Variants in ZNF57 observed in about 807,000 individuals in gnomAD.
The protein encoded by ZNF57 is zinc finger protein 424.
Under a neutral mutation model 13.4 loss-of-function variants are expected in ZNF57, and 11 were observed. The observed-to-expected ratio is 0.82, with a 90% CI of 0.52 to 1.36. The LOEUF is 1.36. Ranked by LOEUF, ZNF57 falls within the 40% of genes most tolerant of loss-of-function variation. ZNF57 has a pLI of 0.00. For missense variants in ZNF57, 696 were observed against 667.5 expected, an observed-to-expected ratio of 1.04 and a Z score of -0.47; for synonymous variants, 224 against 238.5, an observed-to-expected ratio of 0.94 and a Z score of 0.56.
At chr19:2,916,019 C>A in intron 2 of ZNF57, 59 bp from the exon 3 acceptor site, 1 of 1,551,882 alleles carries the variant, frequency 6.4e-7, no homozygotes, top group South Asian at 1.2e-5. Flanking sequence ...TCCTCAGTGT[C>A]TTCCTTTGCT....
At chr19:2,912,386 A>C (rs980340353) in intron 1 of ZNF57, 2 of 152,152 alleles carry the variant, frequency 1.3e-5, no homozygotes, top group Admixed American at 1.3e-4. Flanking sequence ...TCTCCTCTAC[A>C]AGACTGGGCC....
At position 2,901,031 on chromosome 19, in the gene ZNF57, A is replaced by C. The variant is rs752397456; in HGVS notation, c.-15A>C. 3.2e-6 allele frequency: 5 copies of C among 1,560,208 alleles called. No individual in the cohort carries two copies. The highest frequency in any genetic ancestry group is 4.3e-6 in the Non-Finnish European group (5 of 1,151,344). On this transcript the variant is annotated 5_prime_UTR_variant, in exon 1 of 4. Transcript: ENST00000306908. ...ACGGAGAGCTCGCCTTGGAGAGCCC[A>C]GGAGCAGGGGAGACATGGTGAGTGC...
At chr19:2,903,464 C>T (rs767156256) in intron 1 of ZNF57, among the ~76,000 whole-genome samples, 6 of 152,008 alleles carry the variant, frequency 3.9e-5, no homozygotes, top group Non-Finnish European at 7.4e-5. Flanking sequence ...CACCCTCCTC[C>T]GCCTCCCAAA....
rs369987937 is a variant in ZNF57 at position 2,910,810 on chromosome 19, G to A, written c.4-4712G>A. Among the ~76,000 whole-genome samples, 528 of 67,876 alleles carry A rather than the reference G, an allele frequency of 7.8e-3. 60 individuals carry two copies. Among genetic ancestry groups the A allele is most frequent in the African/African-American group, 0.02 (477 of 23,842 alleles). The allele number at this position is 67,876 out of a possible 152,430, so 44.5% of individuals were successfully genotyped here. ...GGGGTTTCCCTGTGTTGGCCAGGATGGTCTCCATCTCCTGACGTCGTGATC... is the reference window on the plus strand; with the variant it reads ...GGGGTTTCCCTGTGTTGGCCAGGATAGTCTCCATCTCCTGACGTCGTGATC... On this transcript the variant is annotated intron_variant, in intron 1 of 3. Coordinates refer to ENST00000306908, the MANE Select transcript of ZNF57 (RefSeq NM_173480.3).
At position 2,910,062 on chromosome 19, in the gene ZNF57, A is replaced by T. The variant is rs1319364038; in HGVS notation, c.4-5460A>T. Among the ~76,000 whole-genome samples, 4 of 48,534 alleles carry T rather than the reference A, an allele frequency of 8.2e-5. 2 individuals carry two copies. The highest frequency in any genetic ancestry group is 4.8e-4 in the Admixed American group (2 of 4,162). 31.8% of individuals were successfully genotyped at this position (48,534 alleles called of 152,430 possible). ...GTTGAATCTATAGATCAAGTTGGGA[A>T]GAACCAATGTCTTGACAATATTGGG... is the stretch of plus-strand genomic sequence containing the variant. On this transcript the variant is annotated intron_variant, in intron 1 of 3. Transcript: ENST00000306908.
chr19:2,917,015 A>T lies in ZNF57; in HGVS notation c.394A>T (p.Lys132Ter), dbSNP rs1755766843. ...HQMPDLTLHK[K>*]VSAGEKPYEC... Reference sequence around the variant, plus strand: ...AATGCCAGATCTTACCCTGCACAAGAAAGTTTCTGCTGGAGAAAAACCATA... The same window carrying T: ...AATGCCAGATCTTACCCTGCACAAGTAAGTTTCTGCTGGAGAAAAACCATA... Residue 132 changes from lysine to a stop codon, truncating the protein, a stop_gained, in exon 4 of 4, where the codon AAA becomes TAA. Coordinates refer to ENST00000306908, the MANE Select transcript of ZNF57 (RefSeq NM_173480.3). LOFTEE classifies it low-confidence loss of function (END_TRUNC). 2 of 1,614,066 alleles carry T rather than the reference A, an allele frequency of 1.2e-6. No individual in the cohort carries two copies. The highest frequency in any genetic ancestry group is 1.3e-5 in the African/African-American group (1 of 74,934).
At chr19:2,916,019 C>G in intron 2 of ZNF57, 59 bp from the exon 3 acceptor site, 1 of 1,551,886 alleles carries the variant, frequency 6.4e-7, no homozygotes, top group Non-Finnish European at 8.7e-7. Flanking sequence ...TCCTCAGTGT[C>G]TTCCTTTGCT....
At chr19:2,914,310 G>A (rs1472098088) in intron 1 of ZNF57, among the ~76,000 whole-genome samples, 3 of 151,950 alleles carry the variant, frequency 2.0e-5, no homozygotes, top group African/African-American at 7.3e-5. Context: ...TTCTTGGCTG[G>A]AGAGCACAAT....
intron 3 of ZNF57, 129 bp from the exon 4 acceptor site, chr19:2,916,795 A>G (rs2088203019): frequency 2.7e-6 from 2 of 738,648 alleles, no homozygotes; most frequent in Admixed American, 7.0e-5. Context: ...GTCTCTTCAA[A>G]CAATTCAGAA....
At chr19:2,901,710 G>A (rs1199015227) in intron 1 of ZNF57, among the ~76,000 whole-genome samples, 1 of 151,956 alleles carries the variant, frequency 6.6e-6, no homozygotes, top group African/African-American at 2.4e-5. Flanking sequence ...GTAGAGACAG[G>A]GTTTCACCAT....
At chr19:2,913,886 C>G (rs997236450) in intron 1 of ZNF57, among the ~76,000 whole-genome samples, 1 of 152,218 alleles carries the variant, frequency 6.6e-6, no homozygotes, top group African/African-American at 2.4e-5. Context: ...AGCGATCCAT[C>G]TGCCTTGATC....
At chr19:2,907,336 G>A (rs114292357) in intron 1 of ZNF57, among the ~76,000 whole-genome samples, 10,884 of 151,974 alleles carry the variant, frequency 0.072, 962 homozygotes, top group African/African-American at 0.22. Context: ...GCAGCAGCTC[G>A]CCCCACCTGG....
chr19:2,908,963 T>C (rs2088104444), intron 1 of ZNF57, among the ~76,000 whole-genome samples: 1 of 152,304 alleles, frequency 6.6e-6, no homozygotes, highest in South Asian at 2.1e-4. Flanking sequence ...AATCCTAATA[T>C]GTGTTCTTTT....
In ZNF57 at chr19:2,917,852, T is replaced by C; in HGVS notation, c.1231T>C (p.Leu411=). ...FTSSRSFRGH[L]RTHTGEKPYE... ...CTCTTCCAGATCATTCCGAGGTCATTTGAGGACGCACACTGGAGAGAAGCC... is the reference window on the plus strand; with the variant it reads ...CTCTTCCAGATCATTCCGAGGTCATCTGAGGACGCACACTGGAGAGAAGCC... The change falls in exon 4 of 4, where the codon TTG becomes CTG. Residue 411 remains leucine, a synonymous_variant. Transcript: ENST00000306908. The C allele has an allele frequency of 6.2e-7, 1 of 1,610,830 alleles. No homozygotes were observed. The highest frequency in any genetic ancestry group is 1.1e-5 in the South Asian group (1 of 90,666).
rs955285937 is a variant in ZNF57, at chr19:2,916,168, T to A, written c.221T>A (p.Phe74Tyr). 6.2e-7 allele frequency: 1 copy of A among 1,613,826 alleles called. No individual in the cohort carries two copies. The highest frequency in any genetic ancestry group is 8.5e-7 in the Non-Finnish European group (1 of 1,179,938). ...TCTAAGGAACAGACAATACCAAACT[T>A]CACAGGAAATAATTCCTGTGCCTAC... The part of the protein sequence containing the change: ...EKSKEQTIPN[F>Y]TGNNSCAYTL... Residue 74 changes from phenylalanine (F) to tyrosine (Y), a missense_variant, in exon 3 of 4, where the codon TTC becomes TAC. Around this residue, in one of 3 missense-constraint regions of ZNF57, gnomAD observed 645 missense variants for 591.5 expected, o/e 1.09. Coordinates refer to ENST00000306908, the MANE Select transcript of ZNF57 (RefSeq NM_173480.3).
At chr19:2,905,902 T>C (rs1319558641) in intron 1 of ZNF57, among the ~76,000 whole-genome samples, 1 of 152,150 alleles carries the variant, frequency 6.6e-6, no homozygotes, top group Non-Finnish European at 1.5e-5. Flanking sequence ...TGAGGCTGGT[T>C]TTGGATGTAA....
At chr19:2,911,482 G>A (rs570157491) in intron 1 of ZNF57, among the ~76,000 whole-genome samples, 1 of 151,658 alleles carries the variant, frequency 6.6e-6, no homozygotes, top group South Asian at 2.1e-4. Context: ...GCAGTGAACT[G>A]AGATTGTGTC....
At position 2,900,985 on chromosome 19, in the gene ZNF57, A is replaced by G; in HGVS notation, c.-61A>G. 6.5e-7 allele frequency: 1 copy of G among 1,549,202 alleles called. No homozygotes were observed. The highest frequency in any genetic ancestry group is 8.7e-7 in the Non-Finnish European group (1 of 1,145,746). ...CGGCCCGGGAGTACCTGTACCTTTCAGCTGCGCCGGCCGCGAGGCCACGGA... is the reference window on the plus strand; with the variant it reads ...CGGCCCGGGAGTACCTGTACCTTTCGGCTGCGCCGGCCGCGAGGCCACGGA... On this transcript the variant is annotated 5_prime_UTR_variant, in exon 1 of 4. Transcript: ENST00000306908.
intron 1 of ZNF57, among the ~76,000 whole-genome samples, chr19:2,905,539 C>G (rs1013607743): frequency 6.6e-6 from 1 of 150,452 alleles, no homozygotes; most frequent in Non-Finnish European, 1.5e-5. Flanking sequence ...CGGAGGCGGG[C>G]GGATCACGAG....
Sources: gnomAD v4.1 joint callset for allele counts (sites outside exome capture counted in the v4.1 genomes callset) on GRCh38, gnomAD v4.1.1 for gene constraint, gnomAD v4.1.1 regional missense constraint, MANE v1.5 for transcripts, NCBI Gene and HGNC (gene_info 2026-07-23, HGNC 2026-07-21) for gene names.